USH2A: variants seen among roughly 807,000 people sequenced by gnomAD.
USH2A encodes Usher syndrome 2A (autosomal recessive, mild).
A neutral mutation model predicts 538.9 loss-of-function variants in USH2A; 443 were observed. The observed-to-expected ratio is 0.82, with a 90% CI of 0.76 to 0.89. The LOEUF (loss-of-function observed/expected upper bound fraction) is 0.89. USH2A is among the 40% of genes least tolerant of loss of function. The pLI, the probability that USH2A is intolerant of heterozygous loss-of-function variation, is 0.00. For synonymous variants in USH2A, 2,413 were observed against 2,273.5 expected (o/e 1.06, Z -1.75); for missense variants, 6,633 against 6,324.8 (o/e 1.05, Z -1.65).
chr1:215,674,771 T>C lies in USH2A; in HGVS notation c.13140A>G (p.Thr4380=), dbSNP rs758501903. ...ATTTAGTAATCTTTCCATTTTGCAC[T>C]GTGGGCGGTGACCAACATACATTCA... ...TQMNVCWSPP[T]VQNGKITKYL... is the part of the protein sequence containing the mutation. The change falls in exon 63 of 72, where the codon ACA becomes ACG. Residue 4380 remains threonine (T), a synonymous_variant. Transcript: ENST00000307340. 3.5e-5 allele frequency: 57 copies of C among 1,614,180 alleles called. No individual in the cohort carries two copies. In the South Asian group the frequency reaches 4.9e-4, roughly 14 times the overall value.
At chr1:216,171,771 G>T (rs1572018295) in intron 21 of USH2A, among the ~76,000 whole-genome samples, 1 of 152,054 alleles carries the variant, frequency 6.6e-6, no homozygotes, top group South Asian at 2.1e-4. Context: ...CACAAAAAAT[G>T]ATTAAATGAG....
chr1:215,658,138 T>A (rs1657322582), intron 64 of USH2A, among the ~76,000 whole-genome samples: 1 of 151,992 alleles, frequency 6.6e-6, no homozygotes, highest in Non-Finnish European at 1.5e-5. Context: ...TGTTTCACCA[T>A]CTTAGCCAGG....
intron 11 of USH2A, among the ~76,000 whole-genome samples, chr1:216,286,137 T>TCCCAACCC (rs1277944474): frequency 3.9e-5 from 6 of 152,118 alleles, no homozygotes; most frequent in Admixed American, 1.3e-4. Context: ...GGGCCAAGTG[T>TCCCAACCC]GAGTTTGGCT....
intron 50 of USH2A, among the ~76,000 whole-genome samples, chr1:215,795,231 A>T (rs906974172): frequency 1.3e-5 from 2 of 152,148 alleles, no homozygotes; most frequent in Non-Finnish European, 2.9e-5. Context: ...TGTTTTGCAG[A>T]TTGCTAATTT....
At chr1:216,372,369 G>A (rs1427593371) in intron 3 of USH2A, among the ~76,000 whole-genome samples, 1 of 151,848 alleles carries the variant, frequency 6.6e-6, no homozygotes, top group Admixed American at 6.6e-5. Context: ...TTTCCTCTCT[G>A]AGTAACTCAG....
intron 38 of USH2A, among the ~76,000 whole-genome samples, chr1:215,925,984 C>T (rs969805104): frequency 1.3e-5 from 2 of 152,134 alleles, no homozygotes; most frequent in Non-Finnish European, 2.9e-5. Flanking sequence ...CGCCACTGCA[C>T]TCCAGCCTGG....
chr1:216,373,561 C>T, intron 3 of USH2A, among the ~76,000 whole-genome samples: 1 of 152,240 alleles, frequency 6.6e-6, no homozygotes, highest in Non-Finnish European at 1.5e-5. Flanking sequence ...AAATTTTTGA[C>T]CTAATGACCC....
intron 20 of USH2A, among the ~76,000 whole-genome samples, chr1:216,188,595 A>G (rs1169271677): frequency 6.6e-6 from 1 of 151,916 alleles, no homozygotes; most frequent in African/African-American, 2.4e-5. Flanking sequence ...AGAAGTTACT[A>G]GGAGATATTT....
At chr1:215,964,772 G>A (rs984148961) in intron 37 of USH2A, among the ~76,000 whole-genome samples, 3 of 152,122 alleles carry the variant, frequency 2.0e-5, no homozygotes, top group Admixed American at 6.6e-5. Context: ...TATTGAATCA[G>A]ATAGTTTTTG....
In USH2A at chr1:215,674,994, A is replaced by G; in HGVS notation, c.12917T>C (p.Leu4306Pro). The G allele has an allele frequency of 6.2e-7, 1 of 1,614,184 alleles. No homozygotes were observed. Among genetic ancestry groups the G allele is most frequent in the Non-Finnish European group, 8.5e-7 (1 of 1,180,036 alleles). Residue 4306 changes from leucine (L) to proline (P), a missense_variant, in exon 63 of 72, where the codon CTC (leucine) becomes CCC (proline). By Grantham distance (98) the Leu-to-Pro change is moderately conservative. Coordinates refer to ENST00000307340, the MANE Select transcript of USH2A (RefSeq NM_206933.4). ...CACAGGATCAAAGCTAAAAGGATAG[A>G]GCATTTCATTCCTTTGAAGCCTATA... Reference protein sequence around the residue: ...QSYRLQRNEMLYPFSFDPVTF... With the variant: ...QSYRLQRNEMPYPFSFDPVTF...
intron 26 of USH2A, 92 bp from the exon 27 acceptor site, chr1:216,078,454 A>G (rs2031829419): frequency 4.1e-6 from 5 of 1,229,214 alleles, no homozygotes; most frequent in Non-Finnish European, 5.9e-6. Context: ...CTTGAAGAAA[A>G]GCAAAACAGT....
intron 21 of USH2A, among the ~76,000 whole-genome samples, chr1:216,118,663 G>A (rs2102592207): frequency 1.3e-5 from 2 of 152,312 alleles, no homozygotes; most frequent in South Asian, 4.1e-4. Context: ...CCTGGTTTCT[G>A]TTTTTTATCT....
intron 21 of USH2A, among the ~76,000 whole-genome samples, chr1:216,126,387 C>G (rs1386777303): frequency 6.6e-6 from 1 of 152,032 alleles, no homozygotes; most frequent in African/African-American, 2.4e-5. Context: ...CTATGCCTGG[C>G]TAATTTTTTG....
chr1:215,955,920 A>C (rs1667054073), intron 37 of USH2A, among the ~76,000 whole-genome samples: 1 of 152,168 alleles, frequency 6.6e-6, no homozygotes, highest in Non-Finnish European at 1.5e-5. Flanking sequence ...CCATCCAAGG[A>C]AGTTGATCCC....
intron 4 of USH2A, among the ~76,000 whole-genome samples, chr1:216,331,187 C>G (rs375934275): frequency 3.2e-4 from 49 of 152,184 alleles, no homozygotes; most frequent in East Asian, 1.5e-3. Context: ...AGAATACTAT[C>G]AAATATTTCA....
intron 21 of USH2A, among the ~76,000 whole-genome samples, chr1:216,098,734 T>C (rs2032506701): frequency 6.6e-6 from 1 of 152,114 alleles, no homozygotes; most frequent in Non-Finnish European, 1.5e-5. Context: ...GAGTTCTAGT[T>C]GAGAAAAAAG....
At position 215,804,588 on chromosome 1, in the gene USH2A, T is replaced by C. The variant is rs75020343; in HGVS notation, c.9740-5463A>G. Among the ~76,000 whole-genome samples, 119 of 144,624 alleles carry C rather than the reference T, an allele frequency of 8.2e-4. 14 individuals carry two copies. The highest frequency in any genetic ancestry group is 3.5e-3 in the Middle Eastern group (1 of 284). The allele number at this position is 144,624 out of a possible 152,430, so 94.9% of individuals were successfully genotyped here. ...GCAAGTCAAAACCACAATGAGATAC[T>C]ATCTCACACCAGTTAGAATGGCGAT... On this transcript the variant is annotated intron_variant, in intron 49 of 71. Transcript: ENST00000307340.
At chr1:216,121,229 T>G (rs111493677) in intron 21 of USH2A, among the ~76,000 whole-genome samples, 1 of 65,632 alleles carries the variant, frequency 1.5e-5, no homozygotes, top group Non-Finnish European at 3.5e-5. Context: ...CTAATAATAT[T>G]ATGTTAAAGC....
chr1:216,399,044 T>C (rs1379078289), intron 3 of USH2A, among the ~76,000 whole-genome samples: 1 of 152,108 alleles, frequency 6.6e-6, no homozygotes, highest in Non-Finnish European at 1.5e-5. Context: ...GCCCAGCAAG[T>C]AGCTAAACCA....
Sources: gnomAD v4.1 joint callset for allele counts (sites outside exome capture counted in the v4.1 genomes callset) on GRCh38, gnomAD v4.1.1 for gene constraint, MANE v1.5 for transcripts, NCBI Gene and HGNC (gene_info 2026-07-23, HGNC 2026-07-21) for gene names.